PTPRM: variants seen among roughly 807,000 people sequenced by gnomAD.
PTPRM encodes protein tyrosine phosphatase receptor type M.
In PTPRM, 47 loss-of-function variants were observed where a neutral mutation model predicts 186.7. The observed-to-expected ratio is 0.25, with a 90% CI of 0.20 to 0.32. The LOEUF (loss-of-function observed/expected upper bound fraction) is 0.32. Ranked by LOEUF, PTPRM falls within the 10% of genes least tolerant of loss-of-function variation. The pLI, the probability that PTPRM is intolerant of heterozygous loss-of-function variation, is 1.00. For synonymous variants in PTPRM, 668 were observed against 674.9 expected (o/e 0.99, Z 0.16); for missense variants, 1,494 against 1,865.0 (o/e 0.80, Z 3.66).
At chr18:7,916,567 T>G (rs2050568566) in intron 4 of PTPRM, among the ~76,000 whole-genome samples, 1 of 152,204 alleles carries the variant, frequency 6.6e-6, no homozygotes, top group South Asian at 2.1e-4. Context: ...TTTTTTGTTG[T>G]GTCCTCACAT....
intron 23 of PTPRM, among the ~76,000 whole-genome samples, chr18:8,353,931 G>T (rs1420318060): frequency 1.3e-5 from 2 of 152,222 alleles, no homozygotes; most frequent in African/African-American, 4.8e-5. Flanking sequence ...GTATAATGCG[G>T]CTGGGCGCAG....
chr18:8,069,312 T>A (rs1478375953), intron 7 of PTPRM, among the ~76,000 whole-genome samples: 1 of 152,162 alleles, frequency 6.6e-6, no homozygotes, highest in Admixed American at 6.5e-5. Flanking sequence ...CATTTAAGTG[T>A]CTCATGGTTC....
chr18:7,710,541 G>A (rs1416749142), intron 1 of PTPRM, among the ~76,000 whole-genome samples: 1 of 152,144 alleles, frequency 6.6e-6, no homozygotes, highest in African/African-American at 2.4e-5. Flanking sequence ...GGAAGTCCTA[G>A]CCAGAGCAGT....
intron 23 of PTPRM, among the ~76,000 whole-genome samples, chr18:8,344,397 T>C (rs998973782): frequency 3.4e-5 from 5 of 149,106 alleles, no homozygotes; most frequent in African/African-American, 1.2e-4. Context: ...TATATATATA[T>C]ACATACACAC....
At chr18:8,386,997 G>A in intron 30 of PTPRM, 75 bp from the exon 31 acceptor site, 1 of 1,407,268 alleles carries the variant, frequency 7.1e-7, no homozygotes, top group South Asian at 1.3e-5. Flanking sequence ...CAAGTAAGTG[G>A]AATCAGCCCA....
chr18:8,120,413 G>T (rs889006151), intron 13 of PTPRM, among the ~76,000 whole-genome samples: 1 of 151,272 alleles, frequency 6.6e-6, no homozygotes, highest in East Asian at 1.9e-4. Flanking sequence ...AGCTATTTTC[G>T]AGTAACTTTT....
intron 7 of PTPRM, among the ~76,000 whole-genome samples, chr18:7,988,558 A>G (rs553778570): frequency 1.1e-4 from 17 of 151,774 alleles, no homozygotes; most frequent in Non-Finnish European, 2.4e-4. Context: ...TAAAACGACA[A>G]CCTCCACTCC....
At chr18:7,956,650 G>C (rs1210309979) in intron 7 of PTPRM, among the ~76,000 whole-genome samples, 1 of 152,158 alleles carries the variant, frequency 6.6e-6, no homozygotes, top group African/African-American at 2.4e-5. Context: ...CTGCTGTTTT[G>C]ATTTGGTGAT....
chr18:7,727,549 G>A (rs989287578), intron 1 of PTPRM, among the ~76,000 whole-genome samples: 6 of 152,128 alleles, frequency 3.9e-5, no homozygotes, highest in Non-Finnish European at 5.9e-5. Context: ...AGACAGCCAA[G>A]TAACTGATTT....
At chr18:7,859,117 A>G (rs765186452) in intron 2 of PTPRM, among the ~76,000 whole-genome samples, 9 of 152,228 alleles carry the variant, frequency 5.9e-5, no homozygotes, top group Non-Finnish European at 1.0e-4. Context: ...TGATATTCCC[A>G]GTTTTGTGTA....
At position 8,235,476 on chromosome 18, in the gene PTPRM, T is replaced by TTTTG. The variant is rs1481569126; in HGVS notation, c.2301-8579_2301-8578insGTTT. On this transcript the variant is annotated intron_variant, in intron 14 of 32. Coordinates refer to ENST00000580170, the MANE Select transcript of PTPRM (RefSeq NM_001105244.2). Reference sequence around the variant, plus strand: ...GTCTTCTTTTTTTTTTTTTTTTTTTTTTTAGCCTGGCTAGAGGTGTATCAA... The same window carrying TTTTG: ...GTCTTCTTTTTTTTTTTTTTTTTTTTTTTGTTTAGCCTGGCTAGAGGTGTATCAA... Among the ~76,000 whole-genome samples, 145 of 136,768 alleles carry TTTTG rather than the reference T, an allele frequency of 1.1e-3. 3 individuals are homozygous for TTTTG. Among genetic ancestry groups the TTTTG allele is most frequent in the African/African-American group, 3.7e-3 (138 of 37,590 alleles). 89.7% of individuals were successfully genotyped at this position (136,768 alleles called of 152,430 possible). A position where few individuals can be genotyped will look rare whatever the true frequency, so the allele number is the denominator to read the frequency against.
At position 8,119,888 on chromosome 18, in the gene PTPRM, A is replaced by T. The variant is rs531763973; in HGVS notation, c.2167+5061A>T. 7.2e-5 allele frequency among the ~76,000 whole-genome samples: 11 copies of T among 152,202 alleles called. No homozygotes were observed. The East Asian group carries it at 1.9e-3, about 27-fold the overall frequency. On this transcript the variant is annotated intron_variant, in intron 13 of 32. Coordinates refer to ENST00000580170, the MANE Select transcript of PTPRM (RefSeq NM_001105244.2). The stretch of plus-strand genomic sequence containing the variant: ...GAATTTCTGTCTTTATTCCAATTTT[A>T]TACTTTGAAGACAATATCTGGAGCT...
intron 17 of PTPRM, among the ~76,000 whole-genome samples, 182 bp from the exon 18 acceptor site, chr18:8,252,306 C>T (rs905542380): frequency 4.6e-5 from 7 of 152,212 alleles, no homozygotes; most frequent in Admixed American, 2.6e-4. Flanking sequence ...AATTCAATGC[C>T]TCCATCCTAA....
intron 1 of PTPRM, among the ~76,000 whole-genome samples, chr18:7,637,873 C>T (rs1182469415): frequency 6.6e-6 from 1 of 152,238 alleles, no homozygotes; most frequent in Non-Finnish European, 1.5e-5. Flanking sequence ...TAATCCCACA[C>T]ATGAATCACA....
At chr18:8,050,285 G>C (rs140423962) in intron 7 of PTPRM, among the ~76,000 whole-genome samples, 3 of 152,084 alleles carry the variant, frequency 2.0e-5, no homozygotes, top group African/African-American at 4.8e-5. Flanking sequence ...GCTTTATTTC[G>C]GTCAGACGAT....
chr18:7,658,498 A>T (rs1400955792), intron 1 of PTPRM, among the ~76,000 whole-genome samples: 1 of 151,904 alleles, frequency 6.6e-6, no homozygotes, highest in Non-Finnish European at 1.5e-5. Context: ...CTACTTCCTT[A>T]TTTCCATGAT....
intron 2 of PTPRM, among the ~76,000 whole-genome samples, chr18:7,874,029 T>C (rs917120354): frequency 6.6e-6 from 1 of 152,078 alleles, no homozygotes; most frequent in African/African-American, 2.4e-5. Context: ...TGAAGAGTTG[T>C]CAACATTATA....
intron 1 of PTPRM, among the ~76,000 whole-genome samples, chr18:7,739,392 C>T (rs73939357): frequency 1.0e-3 from 153 of 152,260 alleles, no homozygotes; most frequent in African/African-American, 3.5e-3. Context: ...TGTCTAACAT[C>T]ATTTCCATAA....
chr18:8,295,346 C>T (rs941205746), intron 19 of PTPRM, among the ~76,000 whole-genome samples: 3 of 152,114 alleles, frequency 2.0e-5, no homozygotes, highest in South Asian at 4.1e-4. Context: ...ATGGCCAAGA[C>T]GGCTGAACAC....
Sources: allele counts gnomAD v4.1 joint callset (sites outside exome capture counted in the v4.1 genomes callset), GRCh38; gene constraint gnomAD v4.1.1; transcripts MANE v1.5; gene names NCBI Gene and HGNC (gene_info 2026-07-23, HGNC 2026-07-21).